KCNIP4: variants seen among roughly 807,000 people sequenced by gnomAD.
The protein encoded by KCNIP4 is Kv channel-interacting protein 4.
A neutral mutation model predicts 34.0 loss-of-function variants in KCNIP4; 12 were observed. That is an observed-to-expected ratio of 0.35 (90% CI 0.23 to 0.57). The LOEUF (loss-of-function observed/expected upper bound fraction) is 0.57. Ranked by LOEUF, KCNIP4 falls within the 20% of genes least tolerant of loss-of-function variation. The pLI is 0.83. For synonymous variants in KCNIP4, 124 were observed against 102.2 expected (o/e 1.21, Z -1.29); for missense variants, 238 against 311.7 (o/e 0.76, Z 1.78).
At chr4:21,648,829 C>T (rs1747244233) in intron 1 of KCNIP4, among the ~76,000 whole-genome samples, 1 of 151,966 alleles carries the variant, frequency 6.6e-6, no homozygotes, top group Non-Finnish European at 1.5e-5. Context: ...AGTAGAGGCC[C>T]CGCACATCAT....
chr4:21,354,332 C>T (rs1258244134), intron 1 of KCNIP4, among the ~76,000 whole-genome samples: 1 of 152,068 alleles, frequency 6.6e-6, no homozygotes, highest in African/African-American at 2.4e-5. Flanking sequence ...CTAAATGCCC[C>T]AATTAAAAGA....
At position 21,628,251 on chromosome 4, in the gene KCNIP4, A is replaced by G. The variant is rs141694349; in HGVS notation, c.61+320320T>C. Among the ~76,000 whole-genome samples the G allele has an allele frequency of 5.6e-3, 849 of 152,218 alleles. 10 individuals carry two copies. Among genetic ancestry groups the G allele is most frequent in the African/African-American group, 0.019 (795 of 41,522 alleles). Reference sequence around the variant, plus strand: ...CAAAATTCTAAATTCTGACTATTAAACATGATTTAATGAGCTGAGAGTAGG... The same window carrying G: ...CAAAATTCTAAATTCTGACTATTAAGCATGATTTAATGAGCTGAGAGTAGG... On this transcript the variant is annotated intron_variant, in intron 1 of 8. Coordinates refer to ENST00000382152, the MANE Select transcript of KCNIP4 (RefSeq NM_025221.6).
intron 1 of KCNIP4, among the ~76,000 whole-genome samples, chr4:21,062,530 ATGTG>A (rs3080754): frequency 1.1e-3 from 162 of 149,274 alleles, no homozygotes; most frequent in Middle Eastern, 6.9e-3. Context: ...GTGTGTGTGC[ATGTG>A]TGTGTGTGTG....
chr4:21,897,083 G>C (rs898520456), intron 1 of KCNIP4, among the ~76,000 whole-genome samples: 1 of 151,858 alleles, frequency 6.6e-6, no homozygotes, highest in African/African-American at 2.4e-5. Flanking sequence ...CTCTTTGGTG[G>C]TATTTTTGTG....
At chr4:21,188,495 G>A (rs527402081) in intron 1 of KCNIP4, among the ~76,000 whole-genome samples, 4 of 151,734 alleles carry the variant, frequency 2.6e-5, no homozygotes, top group Non-Finnish European at 5.9e-5. Context: ...CATTTCTCAT[G>A]TTTTTTGTTT....
At chr4:21,129,607 C>T (rs778254476) in intron 1 of KCNIP4, among the ~76,000 whole-genome samples, 1 of 152,174 alleles carries the variant, frequency 6.6e-6, no homozygotes, top group Non-Finnish European at 1.5e-5. Flanking sequence ...ACCTGGCTTA[C>T]ATATAGTAGC....
At chr4:21,653,025 T>C (rs1444532282) in intron 1 of KCNIP4, among the ~76,000 whole-genome samples, 1 of 152,054 alleles carries the variant, frequency 6.6e-6, no homozygotes. Flanking sequence ...AACAGAAAAA[T>C]GTAAATGTGG....
At chr4:21,016,237 C>T (rs964560182) in intron 1 of KCNIP4, among the ~76,000 whole-genome samples, 2 of 151,038 alleles carry the variant, frequency 1.3e-5, no homozygotes, top group Non-Finnish European at 1.5e-5. Flanking sequence ...CCAAATATAC[C>T]CTTTTATTTT....
At chr4:21,910,800 C>G (rs531358493) in intron 1 of KCNIP4, among the ~76,000 whole-genome samples, 2 of 152,072 alleles carry the variant, frequency 1.3e-5, no homozygotes, top group Non-Finnish European at 2.9e-5. Flanking sequence ...AAAAGTCACA[C>G]GAACTATTAT....
chr4:20,839,771 G>A (rs1719502195), intron 3 of KCNIP4, among the ~76,000 whole-genome samples: 2 of 152,142 alleles, frequency 1.3e-5, no homozygotes, highest in African/African-American at 2.4e-5. Context: ...GCATCTATGA[G>A]ATGTTATTCT....
At chr4:21,405,783 A>C (rs1439135953) in intron 1 of KCNIP4, among the ~76,000 whole-genome samples, 1 of 152,204 alleles carries the variant, frequency 6.6e-6, no homozygotes. Flanking sequence ...CTATCTCATC[A>C]TCAGGGGGTC....
At chr4:21,021,822 G>T (rs1264061585) in intron 1 of KCNIP4, among the ~76,000 whole-genome samples, 3 of 151,100 alleles carry the variant, frequency 2.0e-5, no homozygotes, top group African/African-American at 7.3e-5. Flanking sequence ...ATAAGTAGAA[G>T]GTGTATGCTC....
chr4:21,838,992 A>G (rs1723517825), intron 1 of KCNIP4, among the ~76,000 whole-genome samples: 1 of 152,188 alleles, frequency 6.6e-6, no homozygotes, highest in Admixed American at 6.5e-5. Context: ...AGCAAGAGAA[A>G]AAGTCATTTT....
intron 1 of KCNIP4, among the ~76,000 whole-genome samples, chr4:21,097,694 A>T (rs868165402): frequency 7.2e-5 from 11 of 152,090 alleles, no homozygotes; most frequent in African/African-American, 2.2e-4. Flanking sequence ...TGCTCCACAG[A>T]CCAGACATTC....
At chr4:21,393,666 A>G (rs1722742387) in intron 1 of KCNIP4, among the ~76,000 whole-genome samples, 1 of 152,112 alleles carries the variant, frequency 6.6e-6, no homozygotes, top group Admixed American at 6.6e-5. Flanking sequence ...TTAGAAATGA[A>G]TTTTTTTCAA....
intron 1 of KCNIP4, among the ~76,000 whole-genome samples, chr4:21,660,202 T>C (rs891671940): frequency 2.6e-5 from 4 of 152,136 alleles, no homozygotes; most frequent in Non-Finnish European, 5.9e-5. Context: ...ATGTCCTCCT[T>C]ATTTATATAT....
At chr4:21,456,676 C>T (rs530920052) in intron 1 of KCNIP4, among the ~76,000 whole-genome samples, 7 of 149,058 alleles carry the variant, frequency 4.7e-5, no homozygotes, top group Admixed American at 2.0e-4. Flanking sequence ...CCCAGTAAGT[C>T]GCGTATTTGT....
intron 1 of KCNIP4, among the ~76,000 whole-genome samples, chr4:21,553,252 T>A (rs1406744277): frequency 2.6e-5 from 4 of 152,136 alleles, no homozygotes; most frequent in Admixed American, 2.0e-4. Context: ...CATAGCAAAC[T>A]TCAAACTGCC....
At chr4:21,061,497 C>T (rs1432329064) in intron 1 of KCNIP4, among the ~76,000 whole-genome samples, 1 of 152,038 alleles carries the variant, frequency 6.6e-6, no homozygotes, top group East Asian at 1.9e-4. Flanking sequence ...GGTGGTGAGC[C>T]AGACTCAGCA....
Sources: gnomAD v4.1 joint callset for allele counts (sites outside exome capture counted in the v4.1 genomes callset) on GRCh38, gnomAD v4.1.1 for gene constraint, MANE v1.5 for transcripts, NCBI Gene and HGNC (gene_info 2026-07-23, HGNC 2026-07-21) for gene names.